The following ZNF609 variants were observed in gnomAD, a reference collection of about 807,000 sequenced individuals.
The protein encoded by ZNF609 is zinc finger protein 609.
ZNF609 carries 11 observed loss-of-function variants against 109.5 expected under a neutral mutation model. The observed-to-expected ratio is 0.10, with a 90% confidence interval of 0.06 to 0.17. The LOEUF is 0.17. ZNF609 is among the 10% of genes least tolerant of loss of function. The probability of loss-of-function intolerance (pLI) is 1.00; values close to 1 mark genes in which losing one functional copy is unlikely to be tolerated. For synonymous variants in ZNF609, 646 were observed against 662.0 expected, an observed-to-expected ratio of 0.98 and a Z score of 0.37; for missense variants, 1,559 against 1,772.4, an observed-to-expected ratio of 0.88 and a Z score of 2.16.
At chr15:64,583,897 T>C (rs533790645) in intron 2 of ZNF609, among the ~76,000 whole-genome samples, 2 of 152,310 alleles carry the variant, frequency 1.3e-5, no homozygotes, top group Non-Finnish European at 2.9e-5. Flanking sequence ...TTTGAATGTT[T>C]GCTAACAGTT....
chr15:64,534,535 G>A (rs547993375), intron 2 of ZNF609, among the ~76,000 whole-genome samples: 3 of 151,866 alleles, frequency 2.0e-5, no homozygotes, highest in Non-Finnish European at 4.4e-5. Context: ...GGCTGGCCTC[G>A]AACTCCTGAC....
At chr15:64,465,448 C>T (rs1756882192) in intron 1 of ZNF609, among the ~76,000 whole-genome samples, 1 of 152,112 alleles carries the variant, frequency 6.6e-6, no homozygotes, top group Admixed American at 6.5e-5. Context: ...ATGGTGCGAT[C>T]TCGGCTCACT....
intron 3 of ZNF609, among the ~76,000 whole-genome samples, chr15:64,645,025 C>CT (rs1253435011): frequency 6.9e-6 from 1 of 144,652 alleles, no homozygotes; most frequent in African/African-American, 2.6e-5. Flanking sequence ...TCCTTCCTTC[C>CT]TTCCTTTCTT....
intron 2 of ZNF609, among the ~76,000 whole-genome samples, chr15:64,519,884 T>A (rs72741386): frequency 0.048 from 7,339 of 152,296 alleles, 237 homozygotes; most frequent in South Asian, 0.086. Flanking sequence ...CTCATTTTCC[T>A]TAGATTTTAT....
At chr15:64,461,987 A>C (rs560566317) in intron 1 of ZNF609, among the ~76,000 whole-genome samples, 1 of 152,082 alleles carries the variant, frequency 6.6e-6, no homozygotes, top group African/African-American at 2.4e-5. Flanking sequence ...CGGGAGCGCT[A>C]CCCCAGGGCT....
intron 1 of ZNF609, among the ~76,000 whole-genome samples, chr15:64,463,746 A>G (rs1403437873): frequency 2.0e-5 from 3 of 152,242 alleles, no homozygotes; most frequent in South Asian, 2.1e-4. Flanking sequence ...TTTTGATAAC[A>G]GAACTGTCTT....
chr15:64,616,307 C>G (rs1895796696), intron 2 of ZNF609, among the ~76,000 whole-genome samples: 1 of 151,548 alleles, frequency 6.6e-6, no homozygotes, highest in African/African-American at 2.4e-5. Flanking sequence ...AGTGTATTTT[C>G]TACCTGTAAA....
chr15:64,496,435 G>A (rs2140348182), intron 1 of ZNF609, among the ~76,000 whole-genome samples: 1 of 152,356 alleles, frequency 6.6e-6, no homozygotes, highest in Admixed American at 6.5e-5. Context: ...TACACTCTAA[G>A]CCTAGCCACA....
chr15:64,585,559 GA>G lies in ZNF609; in HGVS notation c.748-37264del, dbSNP rs552965817. Among the ~76,000 whole-genome samples the G allele has an allele frequency of 2.2e-4, 33 of 152,140 alleles. No individual in the cohort carries two copies. In the South Asian group the frequency reaches 6.8e-3, roughly 32 times the overall value. Reference sequence around the variant, plus strand: ...ACTGGGTTAAGATATCCATTTTTTGGAAAAGGTCCCTATGTATTTCTTTTGA... The same window carrying G: ...ACTGGGTTAAGATATCCATTTTTTGGAAAGGTCCCTATGTATTTCTTTTGA... On this transcript the variant is annotated intron_variant, in intron 2 of 9. Coordinates refer to ENST00000326648, the MANE Select transcript of ZNF609 (RefSeq NM_015042.2).
chr15:64,559,781 T>C (rs977012326), intron 2 of ZNF609, among the ~76,000 whole-genome samples: 5 of 152,214 alleles, frequency 3.3e-5, no homozygotes, highest in African/African-American at 1.2e-4. Context: ...GTTTAGCCCT[T>C]TCTAGTTTAC....
intron 2 of ZNF609, among the ~76,000 whole-genome samples, chr15:64,563,427 G>A (rs930651505): frequency 6.6e-6 from 1 of 151,804 alleles, no homozygotes. Context: ...CTCCAGCCTG[G>A]GTGGTGGAAC....
intron 1 of ZNF609, among the ~76,000 whole-genome samples, chr15:64,474,754 A>G (rs1893142359): frequency 6.6e-6 from 1 of 152,188 alleles, no homozygotes. Flanking sequence ...GTGCTCTGAA[A>G]GATAAGAATT....
intron 3 of ZNF609, among the ~76,000 whole-genome samples, chr15:64,659,863 C>CT (rs1896548777): frequency 7.7e-6 from 1 of 130,158 alleles, no homozygotes; most frequent in Non-Finnish European, 1.6e-5. Flanking sequence ...GATACTGAGT[C>CT]TTGCTTTGTT....
At chr15:64,514,883 C>T (rs999038900) in intron 2 of ZNF609, among the ~76,000 whole-genome samples, 4 of 152,162 alleles carry the variant, frequency 2.6e-5, no homozygotes, top group South Asian at 2.1e-4. Context: ...GTGATCCTTC[C>T]GCCTTAGCCT....
intron 2 of ZNF609, among the ~76,000 whole-genome samples, chr15:64,571,868 C>T (rs972261812): frequency 2.6e-5 from 4 of 152,194 alleles, no homozygotes; most frequent in Admixed American, 1.3e-4. Flanking sequence ...GACAAGATTT[C>T]GCCATGTTGG....
intron 2 of ZNF609, among the ~76,000 whole-genome samples, chr15:64,615,640 C>T (rs1392341247): frequency 6.6e-6 from 1 of 152,080 alleles, no homozygotes; most frequent in East Asian, 1.9e-4. Flanking sequence ...GCATGCACCA[C>T]CATGCCTGGC....
chr15:64,594,076 A>G (rs1333152835), intron 2 of ZNF609, among the ~76,000 whole-genome samples: 1 of 152,122 alleles, frequency 6.6e-6, no homozygotes, highest in Non-Finnish European at 1.5e-5. Context: ...GACTAAAGAA[A>G]TATTCCATCA....
At chr15:64,474,601 C>T (rs1167209934) in intron 1 of ZNF609, among the ~76,000 whole-genome samples, 1 of 152,078 alleles carries the variant, frequency 6.6e-6, no homozygotes. Flanking sequence ...ATACTACATA[C>T]AACTGCTGTA....
At chr15:64,627,843 A>G (rs2140978375) in intron 3 of ZNF609, among the ~76,000 whole-genome samples, 1 of 150,036 alleles carries the variant, frequency 6.7e-6, no homozygotes, top group East Asian at 2.0e-4. Flanking sequence ...AATTTTTTAT[A>G]GAGACAGAGT....
Sources: gnomAD v4.1 joint callset for allele counts (sites outside exome capture counted in the v4.1 genomes callset) on GRCh38, gnomAD v4.1.1 for gene constraint, MANE v1.5 for transcripts, NCBI Gene and HGNC (gene_info 2026-07-23, HGNC 2026-07-21) for gene names.